The following RSPO4 variants were observed in gnomAD, a reference collection of about 807,000 sequenced individuals.
RSPO4 encodes R-spondin 4, also known as R-spondin-4.
Under a neutral mutation model 24.8 loss-of-function variants are expected in RSPO4, and 23 were observed. That is an observed-to-expected ratio of 0.93 (90% CI 0.67 to 1.31). The LOEUF (loss-of-function observed/expected upper bound fraction) is 1.31, where lower values mean the gene tolerates loss of function less well. Ranked by LOEUF, RSPO4 falls within the 40% of genes most tolerant of loss-of-function variation. The probability of loss-of-function intolerance (pLI) is 0.00; values close to 1 mark genes in which losing one functional copy is unlikely to be tolerated. For synonymous variants in RSPO4, 141 were observed against 127.4 expected, an observed-to-expected ratio of 1.11 and a Z score of -0.72; for missense variants, 333 against 316.5, an observed-to-expected ratio of 1.05 and a Z score of -0.39.
intron 1 of RSPO4, among the ~76,000 whole-genome samples, chr20:972,989 CCT>C (rs1272487900): frequency 2.0e-5 from 3 of 152,230 alleles, no homozygotes; most frequent in Admixed American, 6.5e-5. Context: ...AGACTCACAC[CCT>C]GACATGGCGT....
intron 1 of RSPO4, among the ~76,000 whole-genome samples, chr20:990,636 A>C (rs1985070711): frequency 6.6e-6 from 1 of 151,772 alleles, no homozygotes. Context: ...ATGATCCACA[A>C]ACTGAACTGG....
chr20:964,682 G>GTA (rs146795276), intron 3 of RSPO4, among the ~76,000 whole-genome samples: 32 of 141,072 alleles, frequency 2.3e-4, no homozygotes, highest in Admixed American at 4.3e-4. Flanking sequence ...ATATATACAT[G>GTA]TATATATATA....
intron 1 of RSPO4, among the ~76,000 whole-genome samples, chr20:984,009 T>C (rs4813886): frequency 0.28 from 42,703 of 151,980 alleles, 9,850 homozygotes; most frequent in African/African-American, 0.63. Flanking sequence ...CCAAAATAAA[T>C]ACCCTCCTCA....
chr20:960,299 G>T lies in RSPO4; in HGVS notation c.*58C>A. The T allele has an allele frequency of 1.9e-6, 2 of 1,053,468 alleles. No individual in the cohort carries two copies. Among genetic ancestry groups the T allele is most frequent in the Non-Finnish European group, 2.8e-6 (2 of 706,186 alleles). 65.3% of individuals were successfully genotyped at this position (1,053,468 alleles called of 1,614,324 possible). On this transcript the variant is annotated 3_prime_UTR_variant, in exon 5 of 5. Coordinates refer to ENST00000217260, the MANE Select transcript of RSPO4 (RefSeq NM_001029871.4). ...GAGTAAGAGGAGAGGAGGAGAAGGA[G>T]CAGGAGGAGGTGTGCAGGGGCCGAG...
chr20:973,576 C>T (rs966057074), intron 1 of RSPO4, among the ~76,000 whole-genome samples: 3 of 152,340 alleles, frequency 2.0e-5, no homozygotes, highest in East Asian at 1.9e-4. Flanking sequence ...CAGGTTCAAA[C>T]GATTCTCGTG....
intron 4 of RSPO4, among the ~76,000 whole-genome samples, chr20:962,193 G>A (rs900775100): frequency 5.3e-5 from 8 of 152,174 alleles, no homozygotes; most frequent in Admixed American, 6.5e-5. Flanking sequence ...AAGCAAACAC[G>A]AGAATGAGAA....
chr20:986,683 C>T (rs1236428124), intron 1 of RSPO4, among the ~76,000 whole-genome samples: 1 of 150,918 alleles, frequency 6.6e-6, no homozygotes, highest in Non-Finnish European at 1.5e-5. Context: ...GGAAAGCATG[C>T]CATGTTTGTA....
At chr20:996,934 G>A (rs377753957) in intron 1 of RSPO4, among the ~76,000 whole-genome samples, 5 of 152,256 alleles carry the variant, frequency 3.3e-5, no homozygotes, top group African/African-American at 2.4e-5. Flanking sequence ...TACTCCCCCC[G>A]ATGGGGTTCC....
chr20:988,030 G>T (rs1380100235), intron 1 of RSPO4, among the ~76,000 whole-genome samples: 1 of 152,220 alleles, frequency 6.6e-6, no homozygotes, highest in African/African-American at 2.4e-5. Flanking sequence ...GGGAGGGCCT[G>T]GGCTGCCTGG....
intron 1 of RSPO4, among the ~76,000 whole-genome samples, chr20:991,859 A>T (rs1333404885): frequency 6.6e-6 from 1 of 152,244 alleles, no homozygotes; most frequent in East Asian, 1.9e-4. Context: ...ATAAAAAATC[A>T]GCTATTTTTA....
At chr20:971,079 T>C (rs1984390459) in intron 1 of RSPO4, among the ~76,000 whole-genome samples, 1 of 152,192 alleles carries the variant, frequency 6.6e-6, no homozygotes, top group Non-Finnish European at 1.5e-5. Context: ...TGGCCTCAAG[T>C]GATCTTCCTG....
chr20:967,936 G>A lies in RSPO4; in HGVS notation c.268+14C>T, dbSNP rs761955891. On this transcript the variant is annotated intron_variant, in intron 2 of 4. Coordinates refer to ENST00000217260, the MANE Select transcript of RSPO4 (RefSeq NM_001029871.4). ...AGCCCAGCACTAGCATAGAACAAGG[G>A]AGAAGCCACGTACTTTTGCACCTGT... is the stretch of plus-strand genomic sequence containing the variant. 2 of 1,613,746 alleles carry A rather than the reference G, an allele frequency of 1.2e-6. No individual in the cohort carries two copies. Among genetic ancestry groups the A allele is most frequent in the Admixed American group, 3.3e-5 (2 of 60,028 alleles).
rs1251108236 is a variant in RSPO4 at position 967,751 on chromosome 20, A to G, written c.268+199T>C. ...GGTAGAAGTGAAAGTTGCCTGTTCT[A>G]TTAGTGCTAATTAAGGCTGAGAGCG... On this transcript the variant is annotated intron_variant, in intron 2 of 4. Coordinates refer to ENST00000217260, the MANE Select transcript of RSPO4 (RefSeq NM_001029871.4). Among the ~76,000 whole-genome samples the G allele has an allele frequency of 2.6e-5, 4 of 152,226 alleles. No homozygotes were observed. The South Asian group carries it at 8.3e-4, about 32-fold the overall frequency.
intron 3 of RSPO4, among the ~76,000 whole-genome samples, chr20:965,298 C>T (rs905030153): frequency 5.3e-5 from 8 of 152,002 alleles, no homozygotes; most frequent in African/African-American, 1.9e-4. Flanking sequence ...CAGGGAGGGA[C>T]GGGAGGTGCT....
intron 1 of RSPO4, among the ~76,000 whole-genome samples, chr20:983,666 G>A (rs893532934): frequency 6.6e-6 from 1 of 152,188 alleles, no homozygotes; most frequent in African/African-American, 2.4e-5. Context: ...TGTAAATGGG[G>A]ATAACGACTA....
chr20:998,422 G>A (rs1462789073), intron 1 of RSPO4, among the ~76,000 whole-genome samples: 1 of 152,228 alleles, frequency 6.6e-6, no homozygotes, highest in East Asian at 1.9e-4. Flanking sequence ...TAATCAACAT[G>A]CTGTTTTGTA....
intron 1 of RSPO4, among the ~76,000 whole-genome samples, chr20:985,747 A>T (rs558374692): frequency 6.6e-6 from 1 of 152,184 alleles, no homozygotes; most frequent in Non-Finnish European, 1.5e-5. Context: ...CCAGTTTCTA[A>T]AGAGGATCTA....
At chr20:967,870 G>A in intron 2 of RSPO4, 80 bp downstream of exon 2, 1 of 1,345,176 alleles carries the variant, frequency 7.4e-7, no homozygotes, top group South Asian at 1.2e-5. Context: ...CTCTGTCTGT[G>A]CTGGGGTGAA....
Position 960,014 on chromosome 20 carries a change from G to A in RSPO4, c.*343C>T. 1 of 387,368 alleles carries A rather than the reference G, an allele frequency of 2.6e-6. No individual in the cohort carries two copies. 24.0% of individuals were successfully genotyped at this position (387,368 alleles called of 1,614,324 possible). A position where few individuals can be genotyped will look rare whatever the true frequency, so the allele number is the denominator to read the frequency against. On this transcript the variant is annotated 3_prime_UTR_variant, in exon 5 of 5. Coordinates refer to ENST00000217260, the MANE Select transcript of RSPO4 (RefSeq NM_001029871.4). ...GCTCATGGTCCCTCTTAAAGTGTGTGTGAGAGGGAGACAAGAGGAGGGAGA... is the reference window on the plus strand; with the variant it reads ...GCTCATGGTCCCTCTTAAAGTGTGTATGAGAGGGAGACAAGAGGAGGGAGA...
Sources: gnomAD v4.1 joint callset for allele counts (sites outside exome capture counted in the v4.1 genomes callset) on GRCh38, gnomAD v4.1.1 for gene constraint, MANE v1.5 for transcripts, NCBI Gene and HGNC (gene_info 2026-07-23, HGNC 2026-07-21) for gene names.